NUMB: variants seen among roughly 807,000 people sequenced by gnomAD.
NUMB encodes the protein NUMB endocytic adaptor protein, also known as protein numb homolog.
In NUMB, 29 loss-of-function variants were observed where a neutral mutation model predicts 59.7. The ratio of observed to expected loss-of-function variants is 0.49; its 90% confidence interval spans 0.36 to 0.66. The LOEUF is 0.66. NUMB is among the 30% of genes least tolerant of loss of function. The pLI is 0.00. For synonymous variants in NUMB, 288 were observed against 288.2 expected (o/e 1.00, Z 0.01); for missense variants, 723 against 822.0 (o/e 0.88, Z 1.47).
intron 5 of NUMB, among the ~76,000 whole-genome samples, chr14:73,319,631 T>A (rs1194519792): frequency 6.6e-6 from 1 of 152,084 alleles, no homozygotes; most frequent in Non-Finnish European, 1.5e-5. Context: ...TCTGGCAAAG[T>A]AGGTTGTAGA....
At chr14:73,354,991 T>C (rs752738403) in intron 4 of NUMB, among the ~76,000 whole-genome samples, 3 of 152,136 alleles carry the variant, frequency 2.0e-5, no homozygotes, top group African/African-American at 4.8e-5. Flanking sequence ...ACATAATATA[T>C]TGCTTCTTTT....
chr14:73,429,619 T>C (rs1177785192), intron 1 of NUMB, among the ~76,000 whole-genome samples: 1 of 152,104 alleles, frequency 6.6e-6, no homozygotes, highest in Non-Finnish European at 1.5e-5. Context: ...ACGAGTTTGG[T>C]GCAAAAGTAG....
intron 2 of NUMB, among the ~76,000 whole-genome samples, chr14:73,390,911 AGT>A (rs1895820824): frequency 6.6e-6 from 1 of 151,852 alleles, no homozygotes; most frequent in South Asian, 2.1e-4. Flanking sequence ...GGCCTCCCAA[AGT>A]GCTGGGATTA....
In NUMB at chr14:73,419,205, G is replaced by T. The variant is rs115123359; in HGVS notation, c.-232-9137C>A. 4.0e-3 allele frequency among the ~76,000 whole-genome samples: 613 copies of T among 152,198 alleles called. 5 individuals are homozygous for T. Among genetic ancestry groups the T allele is most frequent in the Middle Eastern group, 0.01 (3 of 292 alleles). On this transcript the variant is annotated intron_variant, in intron 1 of 12. Transcript: ENST00000555238. The stretch of plus-strand genomic sequence containing the variant: ...ATTTCAAACTATCTAGTAGAAGGAG[G>T]AAAAGGAATGAAAATCTCAAGAGGG...
chr14:73,303,432 C>T (rs1207240677), intron 6 of NUMB, among the ~76,000 whole-genome samples: 3 of 151,612 alleles, frequency 2.0e-5, no homozygotes, highest in African/African-American at 7.3e-5. Context: ...ACACAAAAAT[C>T]AGCCGGGCGT....
In NUMB at chr14:73,292,866, T is replaced by C. The variant is rs1202957977; in HGVS notation, c.318A>G (p.Ile106Met). 6.2e-7 allele frequency: 1 copy of C among 1,614,034 alleles called. No homozygotes were observed. Among genetic ancestry groups the C allele is most frequent in the Non-Finnish European group, 8.5e-7 (1 of 1,180,026 alleles). The change falls in exon 8 of 13, where the codon ATA becomes ATG. Residue 106 changes from isoleucine to methionine, a missense_variant. By Grantham distance (10) the Ile-to-Met change is conservative. This residue lies in a region of NUMB where 317 missense variants were observed against 436.6 expected (regional missense o/e 0.73). Transcript: ENST00000555238. ...AAACTTTCTCTATCGTCTGGTCAAC[T>C]ATGAGGTCCTAGAAAATACGACACA... ...RVVDEKTKDLIVDQTIEKVSF... is the reference protein window; with the variant it reads ...RVVDEKTKDLMVDQTIEKVSF...
intron 9 of NUMB, chr14:73,285,467 T>A (rs892482017): frequency 3.3e-5 from 5 of 152,194 alleles, no homozygotes; most frequent in Non-Finnish European, 5.9e-5. Flanking sequence ...ACAGATAGCA[T>A]GATTTTTCCC....
chr14:73,285,630 A>G (rs1437338789), intron 9 of NUMB: 1 of 152,108 alleles, frequency 6.6e-6, no homozygotes, highest in Non-Finnish European at 1.5e-5. Flanking sequence ...TGCTAACCAA[A>G]AGGGCTGGTT....
chr14:73,400,800 G>A (rs966854145), intron 2 of NUMB, among the ~76,000 whole-genome samples: 9 of 152,232 alleles, frequency 5.9e-5, no homozygotes, highest in African/African-American at 1.9e-4. Flanking sequence ...ACACTTGGAG[G>A]TTCCAGGAGG....
At chr14:73,294,478 G>A (rs1889623487) in intron 7 of NUMB, among the ~76,000 whole-genome samples, 1 of 151,932 alleles carries the variant, frequency 6.6e-6, no homozygotes, top group East Asian at 1.9e-4. Flanking sequence ...ACAGAATTTG[G>A]GACTACTCCT....
intron 3 of NUMB, among the ~76,000 whole-genome samples, chr14:73,361,943 A>G (rs1894114708): frequency 6.6e-6 from 1 of 152,108 alleles, no homozygotes; most frequent in Non-Finnish European, 1.5e-5. Context: ...ATGTACCACT[A>G]TTTTATGTTC....
chr14:73,382,214 T>G (rs1895277313), intron 2 of NUMB, among the ~76,000 whole-genome samples: 1 of 152,230 alleles, frequency 6.6e-6, no homozygotes. Context: ...TGGCACGATC[T>G]TGGCTCACTG....
At chr14:73,304,301 C>CTT (rs1890305737) in intron 6 of NUMB, among the ~76,000 whole-genome samples, 1 of 148,980 alleles carries the variant, frequency 6.7e-6, no homozygotes, top group African/African-American at 2.6e-5. Flanking sequence ...ACCACTGTTT[C>CTT]TTTCTTTCTT....
At chr14:73,308,866 G>A (rs918021297) in intron 6 of NUMB, among the ~76,000 whole-genome samples, 1 of 152,188 alleles carries the variant, frequency 6.6e-6, no homozygotes, top group Non-Finnish European at 1.5e-5. Flanking sequence ...GTCTGAGTAA[G>A]GCGATAGGAC....
At chr14:73,350,740 G>A (rs894221268) in intron 4 of NUMB, among the ~76,000 whole-genome samples, 4 of 150,762 alleles carry the variant, frequency 2.7e-5, no homozygotes, top group African/African-American at 4.9e-5. Flanking sequence ...TGTTGCCCAG[G>A]CTGGTCTCGA....
chr14:73,420,194 T>C (rs922138154), intron 1 of NUMB, among the ~76,000 whole-genome samples: 2 of 152,188 alleles, frequency 1.3e-5, no homozygotes, highest in Admixed American at 6.5e-5. Context: ...AAGACCCAGA[T>C]GTTTCCAGGT....
chr14:73,450,184 C>T (rs1040231935), intron 1 of NUMB, among the ~76,000 whole-genome samples: 3 of 152,178 alleles, frequency 2.0e-5, no homozygotes, highest in African/African-American at 7.2e-5. Context: ...ACACAAAATG[C>T]TTTTCATTTA....
intron 3 of NUMB, among the ~76,000 whole-genome samples, chr14:73,363,740 G>A (rs1166226570): frequency 1.3e-5 from 2 of 152,112 alleles, no homozygotes; most frequent in African/African-American, 2.4e-5. Flanking sequence ...CTTAAGCCCA[G>A]GAGTTCAAGT....
At chr14:73,379,394 T>C (rs569082599) in intron 2 of NUMB, among the ~76,000 whole-genome samples, 4 of 152,308 alleles carry the variant, frequency 2.6e-5, no homozygotes, top group South Asian at 2.1e-4. Flanking sequence ...TATTCTTCTA[T>C]AGAGATATAG....
Sources: gnomAD v4.1 joint callset for allele counts (sites outside exome capture counted in the v4.1 genomes callset) on GRCh38, gnomAD v4.1.1 for gene constraint, gnomAD v4.1.1 regional missense constraint, MANE v1.5 for transcripts, NCBI Gene and HGNC (gene_info 2026-07-23, HGNC 2026-07-21) for gene names.